PDIA5: variants seen among roughly 807,000 people sequenced by gnomAD.
PDIA5 encodes the protein protein disulfide-isomerase A5.
In PDIA5, 58 loss-of-function variants were observed where a neutral mutation model predicts 77.6. The observed-to-expected ratio is 0.75, with a 90% CI of 0.61 to 0.93. The LOEUF (loss-of-function observed/expected upper bound fraction) is 0.93. Ranked by LOEUF, PDIA5 falls within the 40% of genes least tolerant of loss-of-function variation. PDIA5 has a pLI of 0.00. For synonymous variants in PDIA5, 250 were observed against 252.1 expected (o/e 0.99, Z 0.08); for missense variants, 630 against 647.7 (o/e 0.97, Z 0.30).
chr3:123,102,084 A>G (rs1576443372), intron 3 of PDIA5, among the ~76,000 whole-genome samples: 1 of 151,304 alleles, frequency 6.6e-6, no homozygotes, highest in East Asian at 1.9e-4. Context: ...TAATTTTTGT[A>G]TTTTTAGTAG....
chr3:123,067,679 C>G (rs528349554), intron 1 of PDIA5: 1 of 154,224 alleles, frequency 6.5e-6, no homozygotes, highest in African/African-American at 2.4e-5. Flanking sequence ...TGGGAAACTG[C>G]GGGCCACCAC....
chr3:123,142,607 G>C (rs1040025951), intron 11 of PDIA5, among the ~76,000 whole-genome samples: 5 of 152,210 alleles, frequency 3.3e-5, no homozygotes, highest in African/African-American at 4.8e-5. Flanking sequence ...TTACCACTTT[G>C]ATCATGATCT....
At chr3:123,075,137 C>T (rs905128777) in intron 1 of PDIA5, among the ~76,000 whole-genome samples, 4 of 152,094 alleles carry the variant, frequency 2.6e-5, no homozygotes, top group Non-Finnish European at 5.9e-5. Context: ...CTCTTATTAG[C>T]GAGTTAAGTA....
At chr3:123,150,110 G>C (rs1935854485) in intron 13 of PDIA5, 124 bp from the exon 14 acceptor site, 4 of 696,618 alleles carry the variant, frequency 5.7e-6, no homozygotes, top group Non-Finnish European at 9.9e-6. Flanking sequence ...TGAAATTTTA[G>C]AAGGATTGTA....
At position 123,095,482 on chromosome 3, in the gene PDIA5, G is replaced by A. The variant is rs374010757; in HGVS notation, c.257+3040G>A. 2.6e-5 allele frequency among the ~76,000 whole-genome samples: 4 copies of A among 152,252 alleles called. No homozygotes were observed. The South Asian group carries it at 8.3e-4, about 32-fold the overall frequency. On this transcript the variant is annotated intron_variant, in intron 3 of 16. Transcript: ENST00000316218. ...TACAGGGTGCAGGCTGGGCACAGTG[G>A]CTCACACCTATAATCCCAGCACTTT...
At chr3:123,145,471 C>T in intron 11 of PDIA5, 51 bp from the exon 12 acceptor site, 1 of 1,455,866 alleles carries the variant, frequency 6.9e-7, no homozygotes, top group Non-Finnish European at 9.6e-7. Context: ...AGGGGAGCAT[C>T]CCGAGGGCCT....
intron 1 of PDIA5, among the ~76,000 whole-genome samples, chr3:123,068,836 C>T (rs1257284071): frequency 6.6e-6 from 1 of 152,196 alleles, no homozygotes; most frequent in African/African-American, 2.4e-5. Context: ...ACTGCAAGTG[C>T]TGTGACCTTA....
intron 11 of PDIA5, among the ~76,000 whole-genome samples, chr3:123,135,368 G>A (rs1288677981): frequency 3.3e-5 from 5 of 152,110 alleles, no homozygotes. Context: ...AGGTTCTGGG[G>A]ATCCTGAGGA....
chr3:123,153,680 A>G (rs1438044592), intron 14 of PDIA5, among the ~76,000 whole-genome samples: 1 of 151,446 alleles, frequency 6.6e-6, no homozygotes, highest in African/African-American at 2.4e-5. Context: ...ACCCCCCACA[A>G]TGCTCTGGGC....
intron 7 of PDIA5, among the ~76,000 whole-genome samples, chr3:123,114,630 C>T (rs78115336): frequency 0.021 from 3,214 of 152,286 alleles, 110 homozygotes; most frequent in African/African-American, 0.073. Flanking sequence ...GGTGCATTTC[C>T]CCCTGAGCGT....
chr3:123,116,322 C>T, intron 8 of PDIA5, 24 bp downstream of exon 8: 1 of 1,601,336 alleles, frequency 6.2e-7, no homozygotes, highest in African/African-American at 1.3e-5. Context: ...CATTGCCTGG[C>T]AGGGCTGGGT....
intron 3 of PDIA5, among the ~76,000 whole-genome samples, chr3:123,097,143 G>A (rs1934464746): frequency 6.6e-6 from 1 of 152,164 alleles, no homozygotes; most frequent in African/African-American, 2.4e-5. Flanking sequence ...AAAGACTTAT[G>A]TTTTTTCCTA....
intron 10 of PDIA5, among the ~76,000 whole-genome samples, chr3:123,124,951 C>G (rs953847729): frequency 1.3e-5 from 2 of 152,162 alleles, no homozygotes; most frequent in South Asian, 4.1e-4. Flanking sequence ...AACCTGTGAT[C>G]CCTGTTTTAT....
At chr3:123,097,673 C>T (rs572861443) in intron 3 of PDIA5, among the ~76,000 whole-genome samples, 30 of 152,260 alleles carry the variant, frequency 2.0e-4, no homozygotes, top group African/African-American at 7.2e-4. Flanking sequence ...GTATTTCTTG[C>T]TCAGCACTCG....
At chr3:123,143,869 A>C (rs1394516860) in intron 11 of PDIA5, among the ~76,000 whole-genome samples, 3 of 152,146 alleles carry the variant, frequency 2.0e-5, no homozygotes, top group Non-Finnish European at 4.4e-5. Context: ...AGTGCCCTTG[A>C]CCGAGTCATG....
At chr3:123,094,054 G>C (rs1011815749) in intron 3 of PDIA5, among the ~76,000 whole-genome samples, 28 of 152,320 alleles carry the variant, frequency 1.8e-4, no homozygotes, top group African/African-American at 6.5e-4. Context: ...CAGGACTCAA[G>C]TTTGGAAACA....
At chr3:123,093,649 G>A (rs895071) in intron 3 of PDIA5, among the ~76,000 whole-genome samples, 45,634 of 152,046 alleles carry the variant, frequency 0.3, 7,057 homozygotes, top group Admixed American at 0.38. Flanking sequence ...TTGAGAATAC[G>A]CAGATGGATA....
rs541298043 is a variant in PDIA5, at chr3:123,095,840, C to T, written c.257+3398C>T. ...ACCCAGCTTTGAGTCCAGGCTCTGA[C>T]ATCAAATAGCTGTGGGGCCTTTGGC... On this transcript the variant is annotated intron_variant, in intron 3 of 16. Coordinates refer to ENST00000316218, the MANE Select transcript of PDIA5 (RefSeq NM_006810.4). 2.6e-5 allele frequency among the ~76,000 whole-genome samples: 4 copies of T among 151,874 alleles called. No individual in the cohort carries two copies. The South Asian group carries it at 6.2e-4, about 24-fold the overall frequency.
chr3:123,143,875 T>G (rs1162744530), intron 11 of PDIA5, among the ~76,000 whole-genome samples: 1 of 152,120 alleles, frequency 6.6e-6, no homozygotes, highest in Non-Finnish European at 1.5e-5. Flanking sequence ...CTTGACCGAG[T>G]CATGTCTCCA....
Sources: allele counts gnomAD v4.1 joint callset (sites outside exome capture counted in the v4.1 genomes callset), GRCh38; gene constraint gnomAD v4.1.1; transcripts MANE v1.5; gene names NCBI Gene and HGNC (gene_info 2026-07-23, HGNC 2026-07-21).